The following HNRNPC variants were observed in gnomAD, a reference collection of about 807,000 sequenced individuals.
HNRNPC encodes the protein heterogeneous nuclear ribonucleoproteins C1/C2.
A neutral mutation model predicts 33.2 loss-of-function variants in HNRNPC; 3 were observed. That is an observed-to-expected ratio of 0.09 (90% confidence interval 0.04 to 0.23). The LOEUF (loss-of-function observed/expected upper bound fraction) is 0.23. Ranked by LOEUF, HNRNPC falls within the 10% of genes least tolerant of loss-of-function variation. HNRNPC has a pLI of 1.00. For missense variants in HNRNPC, 143 were observed against 366.7 expected (o/e 0.39, Z 4.98); for synonymous variants, 121 against 126.7 (o/e 0.96, Z 0.30).
At chr14:21,240,052 G>A (rs1895173146) in intron 2 of HNRNPC, among the ~76,000 whole-genome samples, 1 of 152,064 alleles carries the variant, frequency 6.6e-6, no homozygotes, top group Non-Finnish European at 1.5e-5. Flanking sequence ...GTCAAAACCA[G>A]GAATACTAAG....
chr14:21,249,666 TTTGGGGTCTATTAGCCA>T (rs1000491510), intron 2 of HNRNPC, among the ~76,000 whole-genome samples: 1 of 151,810 alleles, frequency 6.6e-6, no homozygotes, highest in African/African-American at 2.4e-5. Flanking sequence ...TATTACATAT[TTTGGGGTCTATTAGCCA>T]TTGGAAGTCC....
At chr14:21,235,956 T>C (rs190584483) in intron 2 of HNRNPC, among the ~76,000 whole-genome samples, 13 of 152,260 alleles carry the variant, frequency 8.5e-5, no homozygotes, top group Admixed American at 2.0e-4. Flanking sequence ...AAATGGACAT[T>C]TGCAGAAAAA....
chr14:21,211,373 C>CCA, intron 8 of HNRNPC, 33 bp downstream of exon 8: 1 of 1,467,946 alleles, frequency 6.8e-7, no homozygotes, highest in Non-Finnish European at 9.2e-7. Context: ...CCCCCCTCCA[C>CCA]CACCTTTTTC....
chr14:21,245,228 G>A (rs1459936909), intron 2 of HNRNPC, among the ~76,000 whole-genome samples: 1 of 152,146 alleles, frequency 6.6e-6, no homozygotes, highest in East Asian at 1.9e-4. Flanking sequence ...GGGAGCAGTG[G>A]CTCACGCCTG....
At chr14:21,239,380 T>G (rs1018731837) in intron 2 of HNRNPC, among the ~76,000 whole-genome samples, 27 of 152,050 alleles carry the variant, frequency 1.8e-4, no homozygotes, top group African/African-American at 6.3e-4. Flanking sequence ...TTCGGGAGGC[T>G]GAGGCAGGAA....
intron 5 of HNRNPC, among the ~76,000 whole-genome samples, chr14:21,216,816 C>T (rs1282408699): frequency 1.3e-5 from 2 of 152,082 alleles, no homozygotes; most frequent in East Asian, 3.8e-4. Context: ...TCAAACTTAA[C>T]TATGTAGATA....
intron 2 of HNRNPC, among the ~76,000 whole-genome samples, chr14:21,252,006 A>C (rs982222558): frequency 6.6e-6 from 1 of 152,210 alleles, no homozygotes; most frequent in Non-Finnish European, 1.5e-5. Flanking sequence ...TATTTGGCTT[A>C]AAGTTATTAC....
In HNRNPC at chr14:21,209,940, A is replaced by G. The variant is rs1891441948; in HGVS notation, c.*1283T>C. The G allele has an allele frequency of 6.6e-6, 1 of 152,224 alleles. No individual in the cohort carries two copies. The highest frequency in any genetic ancestry group is 2.1e-4 in the South Asian group (1 of 4,832). 9.4% of individuals were successfully genotyped at this position (152,224 alleles called of 1,614,324 possible). A position where few individuals can be genotyped will look rare whatever the true frequency, so the allele number is the denominator to read the frequency against. ...TGTAATTAATAAAGTTGAGGAAAAC[A>G]CAAAGATTAGCTAACAGGGGTAAAA... On this transcript the variant is annotated 3_prime_UTR_variant, in exon 9 of 9. Transcript: ENST00000553300.
chr14:21,252,703 A>G (rs1896804979), intron 2 of HNRNPC, among the ~76,000 whole-genome samples: 6 of 152,186 alleles, frequency 3.9e-5, no homozygotes, highest in Admixed American at 3.9e-4. Flanking sequence ...TAAAATACAC[A>G]CTGAAATATC....
At chr14:21,254,424 A>G (rs984276305) in intron 2 of HNRNPC, 1 of 152,180 alleles carries the variant, frequency 6.6e-6, no homozygotes, top group African/African-American at 2.4e-5. Flanking sequence ...TGAAGTTTAT[A>G]TAAGCCCCAA....
chr14:21,224,449 T>C lies in HNRNPC; in HGVS notation c.365+5870A>G, dbSNP rs1324411296. Among the ~76,000 whole-genome samples, 4 of 152,144 alleles carry C rather than the reference T, an allele frequency of 2.6e-5. 1 individual carries two copies. The highest frequency in any genetic ancestry group is 9.7e-5 in the African/African-American group (4 of 41,410). The stretch of plus-strand genomic sequence containing the variant: ...ACAAACTCTGTGAAACCCCCCTTCA[T>C]GTAACCATTAATGGCATAATCTATC... On this transcript the variant is annotated intron_variant, in intron 5 of 8. Transcript: ENST00000553300.
chr14:21,218,690 A>AC (rs1892488665), intron 5 of HNRNPC, among the ~76,000 whole-genome samples: 1 of 146,376 alleles, frequency 6.8e-6, no homozygotes, highest in African/African-American at 2.5e-5. Context: ...TCAAAAAAAA[A>AC]AAAAAAAAAA....
chr14:21,220,096 A>T (rs1566601001), intron 5 of HNRNPC, among the ~76,000 whole-genome samples: 1 of 152,220 alleles, frequency 6.6e-6, no homozygotes, highest in African/African-American at 2.4e-5. Context: ...TTGTTAAAAT[A>T]TGAGTAAGAC....
intron 2 of HNRNPC, among the ~76,000 whole-genome samples, chr14:21,250,592 C>A (rs1179937149): frequency 6.6e-6 from 1 of 151,796 alleles, no homozygotes; most frequent in African/African-American, 2.4e-5. Flanking sequence ...GCATATGTAT[C>A]TCCAGCCTGC....
chr14:21,247,455 TCAATCTC>T (rs1033580705), intron 2 of HNRNPC, among the ~76,000 whole-genome samples: 27 of 152,280 alleles, frequency 1.8e-4, no homozygotes, highest in African/African-American at 6.5e-4. Context: ...ATTAGTAAAG[TCAATCTC>T]AAATAAGAAG....
chr14:21,232,767 G>T (rs1316978384), intron 3 of HNRNPC, among the ~76,000 whole-genome samples: 1 of 152,220 alleles, frequency 6.6e-6, no homozygotes, highest in African/African-American at 2.4e-5. Flanking sequence ...CAGGTCCAAT[G>T]GCTGACGCCT....
chr14:21,229,338 T>A (rs764500562), intron 5 of HNRNPC, among the ~76,000 whole-genome samples: 13 of 142,462 alleles, frequency 9.1e-5, no homozygotes, highest in Non-Finnish European at 1.6e-4. Flanking sequence ...GCCACTGCAC[T>A]CCAGGATGGG....
At chr14:21,235,656 T>C (rs1894621700) in intron 2 of HNRNPC, among the ~76,000 whole-genome samples, 1 of 152,184 alleles carries the variant, frequency 6.6e-6, no homozygotes, top group Non-Finnish European at 1.5e-5. Context: ...TTTCAGCTAT[T>C]AAGTATGCCA....
intron 5 of HNRNPC, among the ~76,000 whole-genome samples, chr14:21,229,199 G>A (rs1281167266): frequency 6.6e-6 from 1 of 151,484 alleles, no homozygotes; most frequent in Non-Finnish European, 1.5e-5. Context: ...GATCATCCTG[G>A]CTAACACGAT....
Sources: gnomAD v4.1 joint callset for allele counts (sites outside exome capture counted in the v4.1 genomes callset) on GRCh38, gnomAD v4.1.1 for gene constraint, MANE v1.5 for transcripts, NCBI Gene and HGNC (gene_info 2026-07-23, HGNC 2026-07-21) for gene names.